Variants in HS3ST3A1 observed in about 807,000 individuals in gnomAD.
The protein encoded by HS3ST3A1 is heparan sulfate-glucosamine 3-sulfotransferase 3A1.
In HS3ST3A1, 19 loss-of-function variants were observed where a neutral mutation model predicts 25.7. That is an observed-to-expected ratio of 0.74 (90% CI 0.52 to 1.08). HS3ST3A1 has a LOEUF of 1.08. Ranked by LOEUF, HS3ST3A1 falls within the 50% of genes least tolerant of loss-of-function variation. The pLI, the probability that HS3ST3A1 is intolerant of heterozygous loss-of-function variation, is 0.00. For synonymous variants in HS3ST3A1, 226 were observed against 278.6 expected (o/e 0.81, Z 1.88); for missense variants, 459 against 594.3 (o/e 0.77, Z 2.37).
intron 1 of HS3ST3A1, among the ~76,000 whole-genome samples, chr17:13,519,014 T>C (rs1906140847): frequency 6.6e-6 from 1 of 152,266 alleles, no homozygotes; most frequent in Non-Finnish European, 1.5e-5. Flanking sequence ...TATATTTGTA[T>C]ATAATATGTG....
At position 13,601,088 on chromosome 17, in the gene HS3ST3A1, G is replaced by C. The variant is rs569440039; in HGVS notation, c.42C>G (p.Ala14=). Reference sequence around the variant, plus strand: ...GGAAGATGCTGCGGGACAGCGGCTCGGCCGAGGTGGAGAGGGCACTGGCCG... The same window carrying C: ...GGAAGATGCTGCGGGACAGCGGCTCCGCCGAGGTGGAGAGGGCACTGGCCG... The part of the protein sequence containing the change: ...PGPASALSTS[A]EPLSRSIFRK... Residue 14 remains alanine (A), a synonymous_variant, in exon 1 of 2, where the codon GCC becomes GCG. Transcript: ENST00000284110. The C allele has an allele frequency of 5.0e-5, 80 of 1,592,398 alleles. 1 individual carries two copies. The South Asian group carries it at 6.2e-4, about 12-fold the overall frequency.
Position 13,494,280 on chromosome 17 carries a change from A to T in HS3ST3A1, c.*1917T>A, listed in dbSNP as rs16948007. Among the ~76,000 whole-genome samples the T allele has an allele frequency of 0.038, 5,852 of 152,274 alleles. 417 individuals carry two copies. The highest frequency in any genetic ancestry group is 0.13 in the African/African-American group (5,521 of 41,528). ...GCACTGGGAAATTGAGAGCATAGACATGAAGGAAATCAACTGAAAAAAGGT... is the reference window on the plus strand; with the variant it reads ...GCACTGGGAAATTGAGAGCATAGACTTGAAGGAAATCAACTGAAAAAAGGT... On this transcript the variant is annotated 3_prime_UTR_variant, in exon 2 of 2. Coordinates refer to ENST00000284110, the MANE Select transcript of HS3ST3A1 (RefSeq NM_006042.3).
At chr17:13,577,775 C>G (rs1907984553) in intron 1 of HS3ST3A1, among the ~76,000 whole-genome samples, 1 of 152,178 alleles carries the variant, frequency 6.6e-6, no homozygotes, top group Non-Finnish European at 1.5e-5. Context: ...TTATCCTAGT[C>G]AATATGACTA....
chr17:13,580,241 TA>T (rs1908076042), intron 1 of HS3ST3A1, among the ~76,000 whole-genome samples: 1 of 151,448 alleles, frequency 6.6e-6, no homozygotes, highest in African/African-American at 2.4e-5. Context: ...AGTGGTACAT[TA>T]AAAAAAATAA....
At chr17:13,536,485 C>A (rs1036338189) in intron 1 of HS3ST3A1, among the ~76,000 whole-genome samples, 1 of 152,208 alleles carries the variant, frequency 6.6e-6, no homozygotes, top group African/African-American at 2.4e-5. Context: ...GGGTATTCCC[C>A]TCTGCACTGT....
chr17:13,510,560 AG>A (rs1464996998), intron 1 of HS3ST3A1, among the ~76,000 whole-genome samples: 1 of 152,226 alleles, frequency 6.6e-6, no homozygotes, highest in African/African-American at 2.4e-5. Context: ...GACACACGGT[AG>A]GTGCTAAATC....
At chr17:13,517,592 C>T (rs1185391942) in intron 1 of HS3ST3A1, among the ~76,000 whole-genome samples, 2 of 152,088 alleles carry the variant, frequency 1.3e-5, no homozygotes, top group Non-Finnish European at 2.9e-5. Flanking sequence ...TGAGATATTG[C>T]AGAGTGAGTC....
At chr17:13,595,022 G>C (rs1484793527) in intron 1 of HS3ST3A1, among the ~76,000 whole-genome samples, 3 of 151,900 alleles carry the variant, frequency 2.0e-5, no homozygotes, top group Non-Finnish European at 4.4e-5. Flanking sequence ...TGAAACCTTT[G>C]CAAGAATGTC....
At chr17:13,508,668 C>T (rs1260921144) in intron 1 of HS3ST3A1, among the ~76,000 whole-genome samples, 2 of 152,288 alleles carry the variant, frequency 1.3e-5, no homozygotes, top group Admixed American at 6.5e-5. Flanking sequence ...TAGGCATTGT[C>T]CCAAATTCTG....
intron 1 of HS3ST3A1, among the ~76,000 whole-genome samples, chr17:13,576,304 A>AT (rs1907947444): frequency 6.6e-6 from 1 of 152,200 alleles, no homozygotes; most frequent in African/African-American, 2.4e-5. Flanking sequence ...AGCTGCAGAC[A>AT]TATGGATGCT....
chr17:13,576,918 G>T (rs547452166), intron 1 of HS3ST3A1, among the ~76,000 whole-genome samples: 1 of 152,304 alleles, frequency 6.6e-6, no homozygotes, highest in Non-Finnish European at 1.5e-5. Context: ...TTCTCATGCT[G>T]CTGATAAAGA....
At chr17:13,550,441 A>G (rs947783615) in intron 1 of HS3ST3A1, among the ~76,000 whole-genome samples, 4 of 151,816 alleles carry the variant, frequency 2.6e-5, no homozygotes, top group Admixed American at 6.6e-5. Context: ...CACGCCCCCC[A>G]TGTTCTTTTC....
chr17:13,586,593 C>T (rs929192077), intron 1 of HS3ST3A1, among the ~76,000 whole-genome samples: 7 of 151,684 alleles, frequency 4.6e-5, no homozygotes, highest in East Asian at 3.9e-4. Context: ...TTAGGCCGGG[C>T]GCGGTGGCTC....
chr17:13,531,612 G>C (rs1214208551), intron 1 of HS3ST3A1, among the ~76,000 whole-genome samples: 3 of 136,124 alleles, frequency 2.2e-5, no homozygotes, highest in African/African-American at 8.3e-5. Flanking sequence ...CCCAGACTAA[G>C]CAAATCACCT....
chr17:13,511,881 T>A (rs924468382), intron 1 of HS3ST3A1, among the ~76,000 whole-genome samples: 14 of 152,218 alleles, frequency 9.2e-5, no homozygotes. Flanking sequence ...TAACTTGGAA[T>A]ATTTTAGAAA....
At chr17:13,571,749 T>C (rs762324402) in intron 1 of HS3ST3A1, among the ~76,000 whole-genome samples, 9 of 152,318 alleles carry the variant, frequency 5.9e-5, no homozygotes, top group Middle Eastern at 3.4e-3. Context: ...GAAATTTTCA[T>C]AATAATGTTT....
At chr17:13,535,574 T>TTA (rs1487960976) in intron 1 of HS3ST3A1, among the ~76,000 whole-genome samples, 1 of 152,118 alleles carries the variant, frequency 6.6e-6, no homozygotes, top group East Asian at 1.9e-4. Context: ...GATTCTGGAG[T>TTA]TACAAATAAA....
chr17:13,535,239 G>A (rs1324558321), intron 1 of HS3ST3A1, among the ~76,000 whole-genome samples: 1 of 152,040 alleles, frequency 6.6e-6, no homozygotes, highest in African/African-American at 2.4e-5. Flanking sequence ...ATGGCCAATA[G>A]TGCTATACCT....
At chr17:13,512,161 C>T (rs1286665161) in intron 1 of HS3ST3A1, among the ~76,000 whole-genome samples, 1 of 151,712 alleles carries the variant, frequency 6.6e-6, no homozygotes, top group Admixed American at 6.6e-5. Flanking sequence ...TAGCCGGGCG[C>T]GGTGGCGGGC....
Sources: gnomAD v4.1 joint callset for allele counts (sites outside exome capture counted in the v4.1 genomes callset) on GRCh38, gnomAD v4.1.1 for gene constraint, MANE v1.5 for transcripts, NCBI Gene and HGNC (gene_info 2026-07-23, HGNC 2026-07-21) for gene names.